The following RCSD1 variants were observed in gnomAD, a reference collection of about 807,000 sequenced individuals.
The protein encoded by RCSD1 is capZ-interacting protein.
A neutral mutation model predicts 42.5 loss-of-function variants in RCSD1; 26 were observed. The ratio of observed to expected loss-of-function variants is 0.61; its 90% CI spans 0.45 to 0.85. RCSD1 has a LOEUF of 0.85. RCSD1 is among the 40% of genes least tolerant of loss of function. The pLI is 0.00. For missense variants in RCSD1, 571 were observed against 528.3 expected (o/e 1.08, Z -0.79); for synonymous variants, 220 against 212.2 (o/e 1.04, Z -0.32).
rs142985496 is a variant in RCSD1, at chr1:167,694,224, T to C, written c.396T>C (p.Ser132=). 12 of 1,614,060 alleles carry C rather than the reference T, an allele frequency of 7.4e-6. No individual in the cohort carries two copies. The highest frequency in any genetic ancestry group is 4.0e-5 in the African/African-American group (3 of 74,936). ...CCCCCAGCAGCCCTGGTGTGCGATC[T>C]AGGCCCAGCGAGGCAGAGGAGGTGC... The part of the protein sequence containing the change: ...PSTPSSPGVR[S]RPSEAEEVPV... The change falls in exon 5 of 7, where the codon TCT becomes TCC. Residue 132 remains serine (S), a synonymous_variant. Transcript: ENST00000367854.
intron 1 of RCSD1, among the ~76,000 whole-genome samples, chr1:167,651,546 T>A (rs1055837401): frequency 1.3e-5 from 2 of 152,244 alleles, no homozygotes; most frequent in African/African-American, 2.4e-5. Flanking sequence ...GATAAACTCA[T>A]GTCACGCCTT....
chr1:167,700,262 G>A (rs1381283664), intron 6 of RCSD1, among the ~76,000 whole-genome samples: 1 of 152,122 alleles, frequency 6.6e-6, no homozygotes, highest in African/African-American at 2.4e-5. Flanking sequence ...CTAGATCAGG[G>A]AGAAAAATGT....
intron 1 of RCSD1, among the ~76,000 whole-genome samples, chr1:167,669,609 T>C (rs1558083027): frequency 6.6e-6 from 1 of 152,258 alleles, no homozygotes; most frequent in Admixed American, 6.5e-5. Context: ...AGACTGTGCA[T>C]GCAAATGGCC....
In RCSD1 at chr1:167,706,509, T is replaced by C. The variant is rs10465569; in HGVS notation, c.*1813T>C. 0.019 allele frequency among the ~76,000 whole-genome samples: 2,911 copies of C among 152,272 alleles called. 102 individuals carry two copies. Among genetic ancestry groups the C allele is most frequent in the African/African-American group, 0.066 (2,758 of 41,540 alleles). On this transcript the variant is annotated 3_prime_UTR_variant, in exon 7 of 7. Coordinates refer to ENST00000367854, the MANE Select transcript of RCSD1 (RefSeq NM_052862.4). ...TGAGGAAGGCATGGAACAGAAAGTA[T>C]GGGGTTTAGATATGAAAAATGAAAC...
At chr1:167,667,322 C>G (rs2102218797) in intron 1 of RCSD1, among the ~76,000 whole-genome samples, 1 of 152,294 alleles carries the variant, frequency 6.6e-6, no homozygotes, top group Admixed American at 6.5e-5. Flanking sequence ...GATACTGAGA[C>G]CGGACCAGAG....
At chr1:167,704,429 C>T (rs1370951982) in intron 6 of RCSD1, among the ~76,000 whole-genome samples, 1 of 152,146 alleles carries the variant, frequency 6.6e-6, no homozygotes, top group African/African-American at 2.4e-5. Context: ...GCCTTCATTG[C>T]CTCACCTATG....
At position 167,707,139 on chromosome 1, in the gene RCSD1, G is replaced by T. The variant is rs565095655; in HGVS notation, c.*2443G>T. Among the ~76,000 whole-genome samples the T allele has an allele frequency of 1.1e-4, 16 of 152,320 alleles. No homozygotes were observed. The highest frequency in any genetic ancestry group is 3.3e-4 in the Admixed American group (5 of 15,296). The stretch of plus-strand genomic sequence containing the variant: ...TGAAGGGATCTGCCACTATTTAAAA[G>T]GGGATTAGGATTCTGTTTCAGCTGC... On this transcript the variant is annotated 3_prime_UTR_variant, in exon 7 of 7. Coordinates refer to ENST00000367854, the MANE Select transcript of RCSD1 (RefSeq NM_052862.4).
rs1354149868 is a variant in RCSD1, at chr1:167,706,931, G to C, written c.*2235G>C. The stretch of plus-strand genomic sequence containing the variant: ...GTAGCACAAAGTTATTAACAGGCCA[G>C]GAAGACCTTGTTTCTTTCAGGCTTC... On this transcript the variant is annotated 3_prime_UTR_variant, in exon 7 of 7. Coordinates refer to ENST00000367854, the MANE Select transcript of RCSD1 (RefSeq NM_052862.4). 6.6e-6 allele frequency among the ~76,000 whole-genome samples: 1 copy of C among 152,192 alleles called. No homozygotes were observed. Among genetic ancestry groups the C allele is most frequent in the African/African-American group, 2.4e-5 (1 of 41,440 alleles).
Position 167,630,438 on chromosome 1 carries a change from C to A in RCSD1, c.6+9C>A. On this transcript the variant is annotated intron_variant, in intron 1 of 6. Transcript: ENST00000367854. ...ACCTGAAGGACATGGAGGTAAAGGA[C>A]CCCGGAGGGAGACGCGGGGCTGAGC... 1.3e-6 allele frequency: 2 copies of A among 1,540,710 alleles called. No individual in the cohort carries two copies. Among genetic ancestry groups the A allele is most frequent in the Admixed American group, 1.9e-5 (1 of 52,340 alleles).
At chr1:167,664,232 T>C (rs746199659) in intron 1 of RCSD1, 3 of 152,296 alleles carry the variant, frequency 2.0e-5, no homozygotes, top group Non-Finnish European at 4.4e-5. Context: ...TCCACTATCT[T>C]GCTGCATGAG....
chr1:167,701,521 G>T (rs144837934), intron 6 of RCSD1, among the ~76,000 whole-genome samples: 2 of 151,876 alleles, frequency 1.3e-5, no homozygotes, highest in African/African-American at 4.8e-5. Flanking sequence ...GGCCAGGCTG[G>T]TCTTACACTC....
intron 6 of RCSD1, among the ~76,000 whole-genome samples, chr1:167,699,533 C>A (rs1418556304): frequency 6.6e-6 from 1 of 152,194 alleles, no homozygotes; most frequent in Non-Finnish European, 1.5e-5. Context: ...TTCACTGTTA[C>A]TGTGTGTCTC....
intron 1 of RCSD1, among the ~76,000 whole-genome samples, chr1:167,657,199 A>G (rs537140269): frequency 2.1e-4 from 32 of 152,246 alleles, no homozygotes; most frequent in African/African-American, 7.2e-4. Context: ...TTTTTTCGAA[A>G]CTGGTGAATA....
In RCSD1 at chr1:167,697,107, G is replaced by A. The variant is rs373490112; in HGVS notation, c.483G>A (p.Thr161=). ...SHLPCYNKVR[T]RGSIKRRPPS... is the part of the protein sequence containing the mutation. ...TTAACACTTTCTTCTAGGTGCGGACGAGGGGCTCAATAAAAAGGCGCCCTC... is the reference window on the plus strand; with the variant it reads ...TTAACACTTTCTTCTAGGTGCGGACAAGGGGCTCAATAAAAAGGCGCCCTC... The change falls in exon 6 of 7, where the codon ACG becomes ACA. Residue 161 remains threonine (T), a synonymous_variant. Coordinates refer to ENST00000367854, the MANE Select transcript of RCSD1 (RefSeq NM_052862.4). 2.2e-5 allele frequency: 36 copies of A among 1,612,598 alleles called. No individual in the cohort carries two copies. The highest frequency in any genetic ancestry group is 9.9e-5 in the South Asian group (9 of 90,866).
chr1:167,688,658 G>T (rs1461876169), intron 3 of RCSD1, among the ~76,000 whole-genome samples: 8 of 152,210 alleles, frequency 5.3e-5, no homozygotes, highest in Admixed American at 5.2e-4. Context: ...TTGGTGTTGG[G>T]CTGTAAAAAG....
chr1:167,662,677 T>C (rs190374116), intron 1 of RCSD1, among the ~76,000 whole-genome samples: 39 of 152,344 alleles, frequency 2.6e-4, no homozygotes, highest in African/African-American at 9.4e-4. Flanking sequence ...GGGCATTTTA[T>C]TCCTGATTTA....
intron 1 of RCSD1, 34 bp downstream of exon 1, chr1:167,630,463 C>A (rs1373523873): frequency 4.9e-5 from 75 of 1,523,720 alleles, no homozygotes; most frequent in Non-Finnish European, 6.2e-5. Context: ...CGGGGCTGAG[C>A]GGTGAGCGGT....
chr1:167,690,149 A>C, intron 4 of RCSD1, 29 bp downstream of exon 4: 1 of 1,606,352 alleles, frequency 6.2e-7, no homozygotes, highest in Non-Finnish European at 8.5e-7. Context: ...GTCTATTGCT[A>C]CCTTTTATCT....
chr1:167,646,500 G>C, intron 1 of RCSD1, among the ~76,000 whole-genome samples: 1 of 113,438 alleles, frequency 8.8e-6, no homozygotes, highest in Admixed American at 9.3e-5. Flanking sequence ...GTGAGACTTA[G>C]AGTTTTTTTT....
Sources: gnomAD v4.1 joint callset for allele counts (sites outside exome capture counted in the v4.1 genomes callset) on GRCh38, gnomAD v4.1.1 for gene constraint, MANE v1.5 for transcripts, NCBI Gene and HGNC (gene_info 2026-07-23, HGNC 2026-07-21) for gene names.